Variants in KIF26B observed in about 807,000 individuals in gnomAD.
The protein encoded by KIF26B is kinesin family member 26B, also known as kinesin-like protein KIF26B.
In KIF26B, 63 loss-of-function variants were observed where a neutral mutation model predicts 151.2. That is an observed-to-expected ratio of 0.42 (90% CI 0.34 to 0.51). The LOEUF (loss-of-function observed/expected upper bound fraction) is 0.51, where lower values mean the gene tolerates loss of function less well. KIF26B is among the 20% of genes least tolerant of loss of function. The pLI, the probability that KIF26B is intolerant of heterozygous loss-of-function variation, is 0.07. For synonymous variants in KIF26B, 1,357 were observed against 1,262.1 expected (o/e 1.08, Z -1.59); for missense variants, 2,813 against 2,913.6 (o/e 0.97, Z 0.79).
At chr1:245,338,506 G>A (rs973059852) in intron 2 of KIF26B, among the ~76,000 whole-genome samples, 1 of 152,164 alleles carries the variant, frequency 6.6e-6, no homozygotes, top group Non-Finnish European at 1.5e-5. Context: ...TTGAATGTTG[G>A]TTTGTGCTTA....
intron 9 of KIF26B, among the ~76,000 whole-genome samples, chr1:245,645,191 G>A (rs1246154010): frequency 2.6e-5 from 4 of 151,834 alleles, no homozygotes; most frequent in South Asian, 2.1e-4. Flanking sequence ...ACTTCAACAC[G>A]ACGCCTGTGA....
chr1:245,220,722 A>G (rs1009569774), intron 2 of KIF26B, among the ~76,000 whole-genome samples: 1 of 152,148 alleles, frequency 6.6e-6, no homozygotes, highest in East Asian at 1.9e-4. Context: ...CAGAAACACC[A>G]GCATTGTTTC....
At position 245,667,094 on chromosome 1, in the gene KIF26B, G is replaced by A. The variant is rs2147938050; in HGVS notation, c.2259-17139G>A. 6.6e-6 allele frequency among the ~76,000 whole-genome samples: 1 copy of A among 150,910 alleles called. No individual in the cohort carries two copies. Among genetic ancestry groups the A allele is most frequent in the African/African-American group, 2.5e-5 (1 of 40,224 alleles). On this transcript the variant is annotated intron_variant, in intron 10 of 14. Coordinates refer to ENST00000407071, the MANE Select transcript of KIF26B (RefSeq NM_018012.4). This position sits in a 1 kb window ranked among gnomAD's most constrained non-coding sequence, Gnocchi z 4.3. The stretch of plus-strand genomic sequence containing the variant: ...CTTGTCCTCTAGGATGTGATGGGAG[G>A]CTGAAAGCATCTCTCTGCTGTGACG...
intron 9 of KIF26B, among the ~76,000 whole-genome samples, chr1:245,614,086 G>A (rs2043557348): frequency 6.6e-6 from 1 of 152,074 alleles, no homozygotes; most frequent in Admixed American, 6.6e-5. Flanking sequence ...TTCACGTAGT[G>A]TCCTAATGCA....
intron 4 of KIF26B, among the ~76,000 whole-genome samples, chr1:245,443,432 TGCGGTCATCTCCCTCACTGTTCACCTAGA>T (rs1659167011): frequency 1.3e-5 from 1 of 76,536 alleles, no homozygotes; most frequent in Non-Finnish European, 2.5e-5. Flanking sequence ...CTGTTCACCC[TGCGGTCATCTCCCTCACTGTTCACCTAGA>T]GCGGTCATCT....
chr1:245,423,086 G>A, intron 4 of KIF26B, among the ~76,000 whole-genome samples: 1 of 141,646 alleles, frequency 7.1e-6, no homozygotes, highest in African/African-American at 2.7e-5. Flanking sequence ...TGACAGAGTT[G>A]GACTCAGTCT....
In KIF26B at chr1:245,666,747, G is replaced by C. The variant is rs188203862; in HGVS notation, c.2259-17486G>C. Among the ~76,000 whole-genome samples, 18 of 151,840 alleles carry C rather than the reference G, an allele frequency of 1.2e-4. No individual in the cohort carries two copies. In the East Asian group the frequency reaches 2.9e-3, roughly 25 times the overall value. On this transcript the variant is annotated intron_variant, in intron 10 of 14. Transcript: ENST00000407071. Reference sequence around the variant, plus strand: ...TTAACTTGTCCGTACCAAATGGTACGGACAAGTTAAAAGGGTTATCCGCCC... The same window carrying C: ...TTAACTTGTCCGTACCAAATGGTACCGACAAGTTAAAAGGGTTATCCGCCC...
chr1:245,256,854 A>G (rs531656960), intron 2 of KIF26B, among the ~76,000 whole-genome samples: 27 of 152,338 alleles, frequency 1.8e-4, no homozygotes, highest in African/African-American at 6.5e-4. Flanking sequence ...GCCTCAAAAT[A>G]TATTTCTTTG....
chr1:245,419,752 G>C lies in KIF26B; in HGVS notation c.1166+7G>C, dbSNP rs775923749. On this transcript the variant is annotated splice_region_variant and intron_variant, in intron 4 of 14. Transcript: ENST00000407071. ...CCGCCTCCTTCTTTGCACGGTAAGAGAGCTGTTCAGATCCTTGGTTCTTTC... is the reference window on the plus strand; with the variant it reads ...CCGCCTCCTTCTTTGCACGGTAAGACAGCTGTTCAGATCCTTGGTTCTTTC... 5.0e-6 allele frequency: 8 copies of C among 1,606,564 alleles called. No individual in the cohort carries two copies. In the Admixed American group the frequency reaches 1.2e-4, roughly 24 times the overall value.
intron 2 of KIF26B, among the ~76,000 whole-genome samples, chr1:245,160,522 T>C (rs1181157479): frequency 1.3e-5 from 2 of 152,234 alleles, no homozygotes; most frequent in Non-Finnish European, 2.9e-5. Flanking sequence ...ACAGAACTTT[T>C]GAATGGACTG....
intron 3 of KIF26B, among the ~76,000 whole-genome samples, chr1:245,410,086 G>A (rs1674238150): frequency 6.6e-6 from 1 of 152,226 alleles, no homozygotes; most frequent in African/African-American, 2.4e-5. Context: ...GAAATCAGAT[G>A]ACGTTTAACC....
At chr1:245,561,917 C>G (rs763541732) in intron 5 of KIF26B, among the ~76,000 whole-genome samples, 2 of 152,202 alleles carry the variant, frequency 1.3e-5, no homozygotes, top group Non-Finnish European at 1.5e-5. Flanking sequence ...TCTTCTCAGT[C>G]TCCATCCCAA....
chr1:245,653,221 CT>C (rs1172245945), intron 10 of KIF26B, among the ~76,000 whole-genome samples: 2 of 152,166 alleles, frequency 1.3e-5, no homozygotes, highest in Non-Finnish European at 2.9e-5. Context: ...GACCTTCTTC[CT>C]TCCTCCCTTG....
At chr1:245,646,757 C>T (rs552446671) in intron 10 of KIF26B, among the ~76,000 whole-genome samples, 2 of 152,290 alleles carry the variant, frequency 1.3e-5, no homozygotes, top group South Asian at 2.1e-4. Context: ...TTGCATGGGA[C>T]GCTCCTGGTG....
intron 2 of KIF26B, among the ~76,000 whole-genome samples, chr1:245,267,377 G>A (rs1670765046): frequency 6.6e-6 from 1 of 152,162 alleles, no homozygotes; most frequent in Admixed American, 6.5e-5. Flanking sequence ...TACAAGCCCA[G>A]CATTGCGAAG....
intron 9 of KIF26B, among the ~76,000 whole-genome samples, chr1:245,619,806 G>C (rs752540102): frequency 6.6e-6 from 1 of 151,862 alleles, no homozygotes; most frequent in African/African-American, 2.4e-5. Flanking sequence ...CCAGCTACTC[G>C]GGAGGCTGAG....
In KIF26B at chr1:245,367,504, G is replaced by A. The variant is rs1402543904; in HGVS notation, c.999+137G>A. ...AGTGTTTCCATGTGGCCCCCACAGA[G>A]TTCTCATCAAGGTGCCCCACCCGGG... On this transcript the variant is annotated intron_variant, in intron 3 of 14. Transcript: ENST00000407071. The surrounding 1 kb of genome is among the most constrained non-coding windows in gnomAD (Gnocchi z 4.2). The A allele has an allele frequency of 9.1e-6, 8 of 879,736 alleles. No individual in the cohort carries two copies. Among genetic ancestry groups the A allele is most frequent in the Non-Finnish European group, 1.2e-5 (7 of 591,282 alleles). 54.5% of individuals were successfully genotyped at this position (879,736 alleles called of 1,614,324 possible). A position where few individuals can be genotyped will look rare whatever the true frequency, so the allele number is the denominator to read the frequency against.
chr1:245,278,826 C>A (rs752243521), intron 2 of KIF26B, among the ~76,000 whole-genome samples: 4 of 152,180 alleles, frequency 2.6e-5, no homozygotes, highest in Non-Finnish European at 4.4e-5. Context: ...GTTAGCTCAT[C>A]TTTCTGTTTT....
chr1:245,284,561 T>G (rs1411198549), intron 2 of KIF26B, among the ~76,000 whole-genome samples: 1 of 152,154 alleles, frequency 6.6e-6, no homozygotes, highest in African/African-American at 2.4e-5. Flanking sequence ...GGGGCAGGTT[T>G]TTGTTTGAGT....
Sources: allele counts gnomAD v4.1 joint callset (sites outside exome capture counted in the v4.1 genomes callset), GRCh38; gene constraint gnomAD v4.1.1; non-coding constraint Gnocchi (gnomAD v3.1); transcripts MANE v1.5; gene names NCBI Gene and HGNC (gene_info 2026-07-23, HGNC 2026-07-21).